The following MRTFB variants were observed in gnomAD, a reference collection of about 807,000 sequenced individuals.
MRTFB encodes myocardin-related transcription factor B.
Under a neutral mutation model 104.2 loss-of-function variants are expected in MRTFB, and 29 were observed. The observed-to-expected ratio is 0.28, with a 90% CI of 0.21 to 0.38. MRTFB has a LOEUF of 0.38. Among genes scored for constraint, MRTFB ranks in the 10% least tolerant of loss-of-function variants. The pLI is 1.00. For synonymous variants in MRTFB, 535 were observed against 519.5 expected (o/e 1.03, Z -0.41); for missense variants, 1,270 against 1,341.6 (o/e 0.95, Z 0.83).
the MRTFB span, chr16:14,009,138 TAG>T: frequency 6.6e-6 from 1 of 152,002 alleles, no homozygotes; most frequent in South Asian, 2.1e-4. Context: ...TTGGTAGAGA[TAG>T]AGTCTTGCCG....
rs1194440588 is a variant in MRTFB at position 14,262,971 on chromosome 16, G to T, written c.*1527G>T. ...CTGACCCGTTATTTGGAAAGAATTTGTGAATTATTTCTGGGTTTGTGTTTT... is the reference window on the plus strand; with the variant it reads ...CTGACCCGTTATTTGGAAAGAATTTTTGAATTATTTCTGGGTTTGTGTTTT... On this transcript the variant is annotated 3_prime_UTR_variant, in exon 17 of 17. Transcript: ENST00000571589. 6.6e-6 allele frequency: 1 copy of T among 152,646 alleles called. No individual in the cohort carries two copies. The highest frequency in any genetic ancestry group is 1.5e-5 in the Non-Finnish European group (1 of 68,036). The allele number at this position is 152,646 out of a possible 1,614,324, so 9.5% of individuals were successfully genotyped here.
At chr16:14,119,824 T>C (rs2036748790) in intron 2 of MRTFB, among the ~76,000 whole-genome samples, 1 of 152,216 alleles carries the variant, frequency 6.6e-6, no homozygotes, top group Non-Finnish European at 1.5e-5. Context: ...ATAGCAGCTT[T>C]AGGCTAAACT....
intron 3 of MRTFB, among the ~76,000 whole-genome samples, chr16:14,198,087 A>T (rs997189988): frequency 6.6e-6 from 1 of 152,196 alleles, no homozygotes; most frequent in Admixed American, 6.5e-5. Context: ...CTCATACAAT[A>T]TGTGAGCTTT....
intron 6 of MRTFB, 129 bp downstream of exon 6, chr16:14,213,749 G>A (rs2041296616): frequency 1.6e-6 from 1 of 633,606 alleles, no homozygotes; most frequent in East Asian, 3.0e-5. Context: ...AAACTGGATA[G>A]CAACATGAAG....
chr16:14,074,036 A>G (rs1292032016), intron 1 of MRTFB, among the ~76,000 whole-genome samples: 1 of 151,194 alleles, frequency 6.6e-6, no homozygotes, highest in Non-Finnish European at 1.5e-5. Context: ...TTATACATTT[A>G]ACTCTTCTTT....
chr16:14,241,827 C>T (rs537347111), intron 10 of MRTFB, among the ~76,000 whole-genome samples: 1 of 152,174 alleles, frequency 6.6e-6, no homozygotes, highest in Admixed American at 6.5e-5. Flanking sequence ...CCCGAGTGAG[C>T]TATTGACATT....
At chr16:14,259,373 ATTTT>A (rs549066631) in intron 16 of MRTFB, among the ~76,000 whole-genome samples, 2 of 152,172 alleles carry the variant, frequency 1.3e-5, no homozygotes, top group East Asian at 3.9e-4. Context: ...CTAAAATGAG[ATTTT>A]TTTTAATGAC....
intron 6 of MRTFB, 125 bp from the exon 7 acceptor site, chr16:14,217,000 CA>C (rs1208829818): frequency 2.1e-6 from 2 of 932,382 alleles, no homozygotes; most frequent in African/African-American, 3.3e-5. Context: ...TTTCTCTTTC[CA>C]TAAATATGTC....
intron 2 of MRTFB, among the ~76,000 whole-genome samples, chr16:14,113,117 C>T (rs2036361174): frequency 6.6e-6 from 1 of 152,098 alleles, no homozygotes; most frequent in Admixed American, 6.5e-5. Flanking sequence ...GATCTCGGCT[C>T]ACTGCAACCA....
rs186519636 is a variant in MRTFB at position 14,177,040 on chromosome 16, T to C, written c.155-33203T>C. Among the ~76,000 whole-genome samples the C allele has an allele frequency of 2.6e-5, 4 of 152,228 alleles. No homozygotes were observed. The East Asian group carries it at 7.7e-4, about 29-fold the overall frequency. The stretch of plus-strand genomic sequence containing the variant: ...AGTTTCCGTGGGCAGAGATAGGGAA[T>C]AGGGAAATCCAGGAAGAAAAAACTT... On this transcript the variant is annotated intron_variant, in intron 3 of 16. Coordinates refer to ENST00000571589, the MANE Select transcript of MRTFB (RefSeq NM_001308142.2). The surrounding 1 kb of genome is among the most constrained non-coding windows in gnomAD (Gnocchi z 4.7).
intron 2 of MRTFB, among the ~76,000 whole-genome samples, chr16:14,112,369 A>G (rs997683781): frequency 6.6e-6 from 1 of 152,152 alleles, no homozygotes; most frequent in African/African-American, 2.4e-5. Flanking sequence ...GCTGAGGAAG[A>G]GTGGATGACG....
chr16:14,164,239 A>G (rs2039148571), intron 3 of MRTFB, among the ~76,000 whole-genome samples: 1 of 152,144 alleles, frequency 6.6e-6, no homozygotes, highest in African/African-American at 2.4e-5. Flanking sequence ...TCTCAGCCGC[A>G]GAACTATCAT....
chr16:14,245,943 G>A (rs1053088786), intron 11 of MRTFB, among the ~76,000 whole-genome samples: 1 of 152,124 alleles, frequency 6.6e-6, no homozygotes. Context: ...TGCCAAGTTT[G>A]GGAAAAGCAG....
At position 14,196,061 on chromosome 16, in the gene MRTFB, T is replaced by C. The variant is rs1292605006; in HGVS notation, c.155-14182T>C. On this transcript the variant is annotated intron_variant, in intron 3 of 16. Coordinates refer to ENST00000571589, the MANE Select transcript of MRTFB (RefSeq NM_001308142.2). ...GTACCAGGCCCCTGGCTTGACAACATACTGTCATATCACAAGAAGCATACT... is the reference window on the plus strand; with the variant it reads ...GTACCAGGCCCCTGGCTTGACAACACACTGTCATATCACAAGAAGCATACT... 3.3e-5 allele frequency among the ~76,000 whole-genome samples: 5 copies of C among 152,350 alleles called. No homozygotes were observed. In the East Asian group the frequency reaches 9.6e-4, roughly 29 times the overall value.
the MRTFB span, among the ~76,000 whole-genome samples, chr16:14,009,072 C>T: frequency 5.9e-5 from 9 of 152,052 alleles, no homozygotes; most frequent in South Asian, 4.1e-4. Flanking sequence ...CCTCAACCTC[C>T]TGAGTAACTA....
Position 14,081,793 on chromosome 16 carries a change from G to A in MRTFB, c.-64+2439G>A, listed in dbSNP as rs1322884157. Among the ~76,000 whole-genome samples the A allele has an allele frequency of 6.1e-5, 9 of 147,318 alleles. No individual in the cohort carries two copies. The East Asian group carries it at 1.6e-3, about 26-fold the overall frequency. On this transcript the variant is annotated intron_variant, in intron 2 of 16. Transcript: ENST00000571589. ...GACAGTGTCTCGCCATGTTGCCCAG[G>A]CTGGTCTCAGACTCTGGGCTCAAGC...
At chr16:14,129,871 C>T (rs1054695110) in intron 2 of MRTFB, among the ~76,000 whole-genome samples, 1 of 152,136 alleles carries the variant, frequency 6.6e-6, no homozygotes, top group Non-Finnish European at 1.5e-5. Flanking sequence ...CTCTGTTGCC[C>T]AGGCTGGAGT....
At chr16:14,024,042 C>T in the MRTFB span, among the ~76,000 whole-genome samples, 1 of 151,172 alleles carries the variant, frequency 6.6e-6, no homozygotes, top group Non-Finnish European at 1.5e-5. Flanking sequence ...CAGGGTGAGA[C>T]TCCATCTCAA....
intron 7 of MRTFB, 93 bp from the exon 8 acceptor site, chr16:14,218,727 A>T (rs1367916368): frequency 7.5e-7 from 1 of 1,326,042 alleles, no homozygotes; most frequent in Non-Finnish European, 1.0e-6. Flanking sequence ...CAGCTTCATA[A>T]ATTTTCATAG....
Sources: allele counts gnomAD v4.1 joint callset (sites outside exome capture counted in the v4.1 genomes callset), GRCh38; gene constraint gnomAD v4.1.1; non-coding constraint Gnocchi (gnomAD v3.1); transcripts MANE v1.5; gene names NCBI Gene and HGNC (gene_info 2026-07-23, HGNC 2026-07-21).